Variants in IL1RAPL2 observed in about 807,000 individuals in gnomAD.
IL1RAPL2 encodes interleukin 1 receptor accessory protein like 2, also known as X-linked interleukin-1 receptor accessory protein-like 2.
In IL1RAPL2, 3 loss-of-function variants were observed where a neutral mutation model predicts 44.1. The observed-to-expected ratio is 0.07, with a 90% CI of 0.03 to 0.18. IL1RAPL2 has a LOEUF of 0.18. Among genes scored for constraint, IL1RAPL2 ranks in the 10% least tolerant of loss-of-function variants. IL1RAPL2 has a pLI of 1.00. For synonymous variants in IL1RAPL2, 181 were observed against 178.8 expected, an observed-to-expected ratio of 1.01 and a Z score of -0.10; for missense variants, 391 against 496.4, an observed-to-expected ratio of 0.79 and a Z score of 2.02.
chrX:105,141,107 G>T (rs934119968), intron 2 of IL1RAPL2, among the ~76,000 whole-genome samples: 1 of 111,648 alleles, frequency 9.0e-6, no homozygotes, highest in Non-Finnish European at 1.9e-5. Context: ...TTCGTTAAAA[G>T]AAGCTTTCAG....
intron 2 of IL1RAPL2, among the ~76,000 whole-genome samples, chrX:105,183,488 C>T (rs187127903): frequency 4.8e-4 from 53 of 111,544 alleles, no homozygotes; most frequent in Middle Eastern, 4.6e-3. Flanking sequence ...CATGCTTCAA[C>T]GTCTAGTTGT....
rs763698892 is a variant in IL1RAPL2, at chrX:105,009,183, C to T, written c.83-186292C>T. Among the ~76,000 whole-genome samples, 4 of 111,551 alleles carry T rather than the reference C, an allele frequency of 3.6e-5. No individual in the cohort carries two copies. In the East Asian group the frequency reaches 1.1e-3, roughly 32 times the overall value. On this transcript the variant is annotated intron_variant, in intron 2 of 10. Transcript: ENST00000372582. ...AAATTAGTTCAACCATTGTGGAAGA[C>T]AGTGTGACGATTCCTCAATGATCTA...
intron 2 of IL1RAPL2, among the ~76,000 whole-genome samples, chrX:104,905,833 C>G (rs1422696584): frequency 9.0e-6 from 1 of 110,947 alleles, no homozygotes; most frequent in African/African-American, 3.3e-5. Context: ...TTTTCCAATT[C>G]TGTGAAGAAA....
intron 2 of IL1RAPL2, among the ~76,000 whole-genome samples, chrX:105,066,457 T>C (rs2032138800): frequency 9.0e-6 from 1 of 111,631 alleles, no homozygotes; most frequent in South Asian, 3.8e-4. Flanking sequence ...CAAATATGAT[T>C]GTTATAAGGG....
intron 2 of IL1RAPL2, among the ~76,000 whole-genome samples, chrX:104,833,729 A>G (rs1602749155): frequency 8.9e-6 from 1 of 111,997 alleles, no homozygotes; most frequent in East Asian, 2.8e-4. Context: ...TTCTGTTACT[A>G]AAAAAGATTG....
chrX:104,946,214 T>C (rs1279542346), intron 2 of IL1RAPL2, among the ~76,000 whole-genome samples: 1 of 98,997 alleles, frequency 1.0e-5, no homozygotes, highest in Non-Finnish European at 2.0e-5. Context: ...CTACTAAAAA[T>C]ACAAAAAAAT....
intron 2 of IL1RAPL2, among the ~76,000 whole-genome samples, chrX:104,777,671 G>A (rs896126081): frequency 1.8e-5 from 2 of 108,514 alleles, no homozygotes; most frequent in African/African-American, 6.7e-5. Context: ...CGGCCTCCCC[G>A]GTTCAAGCAA....
chrX:105,129,684 G>C (rs947838846), intron 2 of IL1RAPL2, among the ~76,000 whole-genome samples: 26 of 110,508 alleles, frequency 2.4e-4, no homozygotes, highest in Non-Finnish European at 1.7e-4. Context: ...ATTGAAGATG[G>C]CTGGGATTAA....
chrX:105,499,298 A>C (rs1436337628), intron 6 of IL1RAPL2, among the ~76,000 whole-genome samples: 2 of 111,158 alleles, frequency 1.8e-5, no homozygotes, highest in African/African-American at 6.5e-5. Context: ...AAAAGAAAAC[A>C]CAGGGGAAAA....
chrX:104,726,323 G>A (rs1167463551), intron 2 of IL1RAPL2, among the ~76,000 whole-genome samples: 1 of 111,423 alleles, frequency 9.0e-6, no homozygotes, highest in Non-Finnish European at 1.9e-5. Flanking sequence ...GATGCCTCTA[G>A]CTTTGTTCTT....
intron 5 of IL1RAPL2, among the ~76,000 whole-genome samples, chrX:105,318,012 G>A (rs1239980958): frequency 9.8e-6 from 1 of 102,365 alleles, no homozygotes; most frequent in Admixed American, 1.1e-4. Context: ...TCGCTCTGTC[G>A]CCCAGGCTGG....
intron 2 of IL1RAPL2, among the ~76,000 whole-genome samples, chrX:104,892,490 G>T (rs1306382814): frequency 9.0e-6 from 1 of 111,219 alleles, no homozygotes; most frequent in Non-Finnish European, 1.9e-5. Flanking sequence ...GTCTATTCAG[G>T]GATTCAACTT....
chrX:105,565,612 T>G (rs2036968672), intron 6 of IL1RAPL2, among the ~76,000 whole-genome samples: 1 of 112,196 alleles, frequency 8.9e-6, no homozygotes, highest in Admixed American at 9.5e-5. Context: ...TTCAGTGGAC[T>G]GACAGGCAAT....
At chrX:104,888,281 G>GGA (rs1161477214) in intron 2 of IL1RAPL2, among the ~76,000 whole-genome samples, 1 of 104,623 alleles carries the variant, frequency 9.6e-6, no homozygotes, top group African/African-American at 3.5e-5. Context: ...AGACAAGGAA[G>GGA]GAGAGAGAGA....
chrX:105,261,622 T>G (rs2147652900), intron 4 of IL1RAPL2, among the ~76,000 whole-genome samples: 1 of 111,679 alleles, frequency 9.0e-6, no homozygotes, highest in African/African-American at 3.3e-5. Flanking sequence ...TTTTTAGATT[T>G]TTCTGGCTAA....
intron 4 of IL1RAPL2, among the ~76,000 whole-genome samples, chrX:105,253,530 T>G (rs2034288330): frequency 9.0e-6 from 1 of 110,974 alleles, no homozygotes; most frequent in Admixed American, 9.6e-5. Context: ...CTGGGAAATA[T>G]AAAATTTCTG....
At chrX:105,341,640 A>C (rs958175943) in intron 5 of IL1RAPL2, among the ~76,000 whole-genome samples, 4 of 112,123 alleles carry the variant, frequency 3.6e-5, no homozygotes, top group African/African-American at 1.3e-4. Flanking sequence ...GACAAATATT[A>C]AGAATTGATG....
intron 6 of IL1RAPL2, among the ~76,000 whole-genome samples, chrX:105,571,686 T>A (rs1242851157): frequency 2.7e-5 from 3 of 111,669 alleles, no homozygotes; most frequent in Non-Finnish European, 3.8e-5. Flanking sequence ...TTATTTTTAC[T>A]TGACTTATTC....
At position 105,372,292 on chromosome X, in the gene IL1RAPL2, C is replaced by A. The variant is rs1217171872; in HGVS notation, c.697+104751C>A. Among the ~76,000 whole-genome samples the A allele has an allele frequency of 1.0e-4, 11 of 109,307 alleles. No homozygotes were observed. In the Admixed American group the frequency reaches 1.1e-3, roughly 11 times the overall value. 94.9% of individuals were successfully genotyped at this position (109,307 alleles called of 115,157 possible). A position where few individuals can be genotyped will look rare whatever the true frequency, so the allele number is the denominator to read the frequency against. On this transcript the variant is annotated intron_variant, in intron 5 of 10. Coordinates refer to ENST00000372582, the MANE Select transcript of IL1RAPL2 (RefSeq NM_017416.2). ...CTCTACTAAAAATATAAAAATTAGC[C>A]AGGCATGGTGGTGCATGCCTGTAAT...
Sources: allele counts gnomAD v4.1 joint callset (sites outside exome capture counted in the v4.1 genomes callset), GRCh38; gene constraint gnomAD v4.1.1; transcripts MANE v1.5; gene names NCBI Gene and HGNC (gene_info 2026-07-23, HGNC 2026-07-21).